The following GRIK3 variants were observed in gnomAD, a reference collection of about 807,000 sequenced individuals.
GRIK3 encodes the protein glutamate ionotropic receptor kainate type subunit 3, also known as glutamate receptor ionotropic, kainate 3.
GRIK3 carries 29 observed loss-of-function variants against 102.5 expected under a neutral mutation model. The observed-to-expected ratio is 0.28, with a 90% CI of 0.21 to 0.39. GRIK3 has a LOEUF of 0.39. Among genes scored for constraint, GRIK3 ranks in the 10% least tolerant of loss-of-function variants. GRIK3 has a pLI of 1.00. For missense variants in GRIK3, 908 were observed against 1,252.4 expected, an observed-to-expected ratio of 0.73 and a Z score of 4.15; for synonymous variants, 511 against 504.9, an observed-to-expected ratio of 1.01 and a Z score of -0.16.
At chr1:36,851,898 G>A (rs1286333165) in intron 8 of GRIK3, among the ~76,000 whole-genome samples, 1 of 152,230 alleles carries the variant, frequency 6.6e-6, no homozygotes, top group Non-Finnish European at 1.5e-5. Flanking sequence ...AGGGTGGGAA[G>A]TAGTGGCATA....
intron 1 of GRIK3, among the ~76,000 whole-genome samples, chr1:36,999,639 A>G (rs1302231352): frequency 6.6e-6 from 1 of 152,144 alleles, no homozygotes; most frequent in Admixed American, 6.5e-5. Context: ...GGTCCAACAC[A>G]GGGCCTCTCA....
At chr1:36,858,537 T>A (rs535714339) in intron 7 of GRIK3, among the ~76,000 whole-genome samples, 2 of 152,250 alleles carry the variant, frequency 1.3e-5, no homozygotes, top group Admixed American at 6.5e-5. Context: ...ATCAGCTCCA[T>A]TGATGGGGTT....
In GRIK3 at chr1:36,917,233, G is replaced by A. The variant is rs550824933; in HGVS notation, c.116-26137C>T. Reference sequence around the variant, plus strand: ...CCCATTTGAAATGGCTGTATTTATCGAATGCCTGTAATGCCATTTTATCGA... The same window carrying A: ...CCCATTTGAAATGGCTGTATTTATCAAATGCCTGTAATGCCATTTTATCGA... On this transcript the variant is annotated intron_variant, in intron 1 of 15. Coordinates refer to ENST00000373091, the MANE Select transcript of GRIK3 (RefSeq NM_000831.4). 6.6e-5 allele frequency among the ~76,000 whole-genome samples: 10 copies of A among 152,206 alleles called. No individual in the cohort carries two copies. The East Asian group carries it at 9.7e-4, about 15-fold the overall frequency.
intron 1 of GRIK3, among the ~76,000 whole-genome samples, chr1:36,924,878 C>A (rs760324369): frequency 2.0e-5 from 3 of 152,198 alleles, no homozygotes; most frequent in Non-Finnish European, 4.4e-5. Context: ...GACTTACTCT[C>A]AACACCCACA....
At chr1:37,030,155 C>G (rs187317698) in intron 1 of GRIK3, among the ~76,000 whole-genome samples, 1 of 152,220 alleles carries the variant, frequency 6.6e-6, no homozygotes, top group African/African-American at 2.4e-5. Flanking sequence ...GCCCCGCGGG[C>G]CACTCCCAGG....
At chr1:37,005,692 T>C (rs77652480) in intron 1 of GRIK3, among the ~76,000 whole-genome samples, 1,837 of 152,274 alleles carry the variant, frequency 0.012, 33 homozygotes, top group African/African-American at 0.04. Context: ...CATGGCATCG[T>C]TTGTTCACTT....
In GRIK3 at chr1:36,952,246, G is replaced by A. The variant is rs1641852415; in HGVS notation, c.116-61150C>T. Among the ~76,000 whole-genome samples the A allele has an allele frequency of 2.6e-5, 4 of 152,282 alleles. No individual in the cohort carries two copies. The South Asian group carries it at 8.3e-4, about 32-fold the overall frequency. ...GCCCTTCCTCCATGGTGTCTCCTCA[G>A]GGCCCACGATGTCCGTTAGGGCCTC... On this transcript the variant is annotated intron_variant, in intron 1 of 15. Coordinates refer to ENST00000373091, the MANE Select transcript of GRIK3 (RefSeq NM_000831.4).
chr1:36,977,335 T>C (rs923734486), intron 1 of GRIK3, among the ~76,000 whole-genome samples: 1 of 152,214 alleles, frequency 6.6e-6, no homozygotes, highest in East Asian at 1.9e-4. Flanking sequence ...GATGCACTAT[T>C]ATACTAAAGG....
chr1:36,969,201 G>C (rs1407736424), intron 1 of GRIK3, among the ~76,000 whole-genome samples: 1 of 152,210 alleles, frequency 6.6e-6, no homozygotes, highest in East Asian at 1.9e-4. Flanking sequence ...CCAATGGCAG[G>C]AGCCAGTCAA....
intron 1 of GRIK3, among the ~76,000 whole-genome samples, chr1:37,011,271 C>T (rs74579562): frequency 9.2e-5 from 14 of 152,286 alleles, no homozygotes; most frequent in African/African-American, 3.4e-4. Flanking sequence ...TGTCTTGTAA[C>T]ATTGTTGTGA....
At chr1:36,885,648 C>T (rs1641029516) in intron 2 of GRIK3, among the ~76,000 whole-genome samples, 2 of 152,150 alleles carry the variant, frequency 1.3e-5, no homozygotes, top group African/African-American at 4.8e-5. Flanking sequence ...CTGTCTCCTC[C>T]ATGTTCCTTC....
intron 1 of GRIK3, among the ~76,000 whole-genome samples, chr1:36,941,357 CTTT>C (rs891995315): frequency 2.6e-5 from 4 of 152,234 alleles, no homozygotes; most frequent in African/African-American, 9.6e-5. Flanking sequence ...CTGATTCCCT[CTTT>C]TGAAGAAATC....
chr1:36,928,497 G>A (rs111983613), intron 1 of GRIK3, among the ~76,000 whole-genome samples: 2,204 of 152,312 alleles, frequency 0.014, 49 homozygotes, highest in African/African-American at 0.05. Flanking sequence ...CTTAGCTTTG[G>A]AGTTATTCCC....
intron 13 of GRIK3, among the ~76,000 whole-genome samples, chr1:36,814,609 C>T (rs1233375186): frequency 6.7e-6 from 1 of 149,838 alleles, no homozygotes; most frequent in Non-Finnish European, 1.5e-5. Context: ...TACATGCACA[C>T]ACAGATACAT....
At chr1:36,976,251 G>A (rs981068197) in intron 1 of GRIK3, among the ~76,000 whole-genome samples, 5 of 152,148 alleles carry the variant, frequency 3.3e-5, no homozygotes, top group African/African-American at 1.2e-4. Context: ...GGAGGCTCTC[G>A]ACTCCTTCCC....
chr1:36,992,010 T>C (rs1304098620), intron 1 of GRIK3, among the ~76,000 whole-genome samples: 1 of 152,016 alleles, frequency 6.6e-6, no homozygotes, highest in Non-Finnish European at 1.5e-5. Flanking sequence ...AGCCTGGCAG[T>C]AAAAGAGGAC....
chr1:36,915,663 C>T (rs1175790353), intron 1 of GRIK3, among the ~76,000 whole-genome samples: 2 of 152,108 alleles, frequency 1.3e-5, no homozygotes, highest in African/African-American at 4.8e-5. Flanking sequence ...GTGAATAAGT[C>T]TCACGAGATC....
Position 36,806,955 on chromosome 1 carries a change from C to T in GRIK3, c.2092-629G>A, listed in dbSNP as rs746457149. The stretch of plus-strand genomic sequence containing the variant: ...GGGTCCTGGGCCTCCCCTTTCACTT[C>T]AACCAATGGAGGCCTCTTTTATGTC... On this transcript the variant is annotated intron_variant, in intron 13 of 15. Coordinates refer to ENST00000373091, the MANE Select transcript of GRIK3 (RefSeq NM_000831.4). This position sits in a 1 kb window ranked among gnomAD's most constrained non-coding sequence, Gnocchi z 4.0. Among the ~76,000 whole-genome samples the T allele has an allele frequency of 1.2e-4, 18 of 152,138 alleles. No individual in the cohort carries two copies. Among genetic ancestry groups the T allele is most frequent in the Non-Finnish European group, 2.4e-4 (16 of 68,012 alleles).
rs190577620 is a variant in GRIK3, at chr1:36,983,157, G to A, written c.115+50837C>T. On this transcript the variant is annotated intron_variant, in intron 1 of 15. Transcript: ENST00000373091. ...CCCGAGCAGCATGCGGAGTCTTCCC[G>A]ACACCGACACCGAGGACTGCCTGTG... 8.5e-5 allele frequency among the ~76,000 whole-genome samples: 13 copies of A among 152,194 alleles called. 1 individual carries two copies. In the East Asian group the frequency reaches 1.9e-3, roughly 23 times the overall value.
Sources: allele counts gnomAD v4.1 joint callset (sites outside exome capture counted in the v4.1 genomes callset), GRCh38; gene constraint gnomAD v4.1.1; non-coding constraint Gnocchi (gnomAD v3.1); transcripts MANE v1.5; gene names NCBI Gene and HGNC (gene_info 2026-07-23, HGNC 2026-07-21).